The following KCNH8 variants were observed in gnomAD, a reference collection of about 807,000 sequenced individuals.
KCNH8 encodes the protein voltage-gated delayed rectifier potassium channel KCNH8.
Under a neutral mutation model 103.6 loss-of-function variants are expected in KCNH8, and 70 were observed. The ratio of observed to expected loss-of-function variants is 0.68; its 90% CI spans 0.56 to 0.82. The LOEUF (loss-of-function observed/expected upper bound fraction) is 0.82. KCNH8 is among the 40% of genes least tolerant of loss of function. The probability of loss-of-function intolerance (pLI) is 0.00; values close to 1 mark genes in which losing one functional copy is unlikely to be tolerated. For missense variants in KCNH8, 1,217 were observed against 1,329.9 expected, an observed-to-expected ratio of 0.92 and a Z score of 1.32; for synonymous variants, 498 against 489.4, an observed-to-expected ratio of 1.02 and a Z score of -0.23.
chr3:19,385,038 T>C (rs1296481560), intron 5 of KCNH8, among the ~76,000 whole-genome samples: 4 of 152,106 alleles, frequency 2.6e-5, no homozygotes, highest in Admixed American at 6.6e-5. Context: ...CAGTAAGAGA[T>C]GGTTGAAAGA....
intron 11 of KCNH8, among the ~76,000 whole-genome samples, chr3:19,463,179 T>C (rs1205322434): frequency 1.3e-5 from 2 of 152,150 alleles, no homozygotes; most frequent in East Asian, 3.8e-4. Flanking sequence ...TTAGAGCATC[T>C]GAGGATTTTC....
At position 19,389,392 on chromosome 3, in the gene KCNH8, C is replaced by A. The variant is rs567989403; in HGVS notation, c.812-1089C>A. On this transcript the variant is annotated intron_variant, in intron 5 of 15. Transcript: ENST00000328405. ...AGGACCTCATATATTGTAAAACGCT[C>A]GATAATATATAACTAAATAATGATG... is the stretch of plus-strand genomic sequence containing the variant. 3.3e-5 allele frequency among the ~76,000 whole-genome samples: 5 copies of A among 151,846 alleles called. No homozygotes were observed. In the South Asian group the frequency reaches 1.0e-3, roughly 32 times the overall value.
intron 2 of KCNH8, among the ~76,000 whole-genome samples, chr3:19,274,859 C>T (rs1326909886): frequency 1.2e-5 from 1 of 82,140 alleles, no homozygotes; most frequent in Non-Finnish European, 2.5e-5. Flanking sequence ...CCCTCCCCTC[C>T]CCACCCCTCC....
At chr3:19,312,612 T>C (rs1023372219) in intron 3 of KCNH8, among the ~76,000 whole-genome samples, 2 of 151,962 alleles carry the variant, frequency 1.3e-5, no homozygotes, top group African/African-American at 4.8e-5. Context: ...CAGCTTCTCG[T>C]CATGTAATAT....
intron 1 of KCNH8, among the ~76,000 whole-genome samples, chr3:19,155,890 T>G (rs1311292966): frequency 1.3e-5 from 2 of 152,206 alleles, no homozygotes; most frequent in Non-Finnish European, 2.9e-5. Context: ...CCTTGAAGCC[T>G]TAACTATGTC....
intron 1 of KCNH8, among the ~76,000 whole-genome samples, chr3:19,192,776 A>G (rs892298528): frequency 5.3e-5 from 8 of 149,900 alleles, no homozygotes; most frequent in African/African-American, 2.0e-4. Flanking sequence ...TAAACTTCCT[A>G]TGGAGTTGGC....
chr3:19,257,461 C>G (rs1005007936), intron 2 of KCNH8, among the ~76,000 whole-genome samples: 2 of 152,016 alleles, frequency 1.3e-5, no homozygotes, highest in Non-Finnish European at 2.9e-5. Flanking sequence ...CTTCCTCACT[C>G]TAGCTTGTTG....
chr3:19,277,830 T>C (rs1055560178), intron 2 of KCNH8, among the ~76,000 whole-genome samples: 1 of 152,172 alleles, frequency 6.6e-6, no homozygotes, highest in Non-Finnish European at 1.5e-5. Flanking sequence ...ACCTAAATCC[T>C]GTCAGAGCCT....
chr3:19,480,381 T>C (rs2068063603), intron 11 of KCNH8, among the ~76,000 whole-genome samples: 1 of 152,170 alleles, frequency 6.6e-6, no homozygotes, highest in Non-Finnish European at 1.5e-5. Flanking sequence ...CAAACATTGT[T>C]ACTATAGTAT....
chr3:19,286,235 A>G (rs906191029), intron 3 of KCNH8, among the ~76,000 whole-genome samples: 2 of 152,252 alleles, frequency 1.3e-5, no homozygotes, highest in South Asian at 2.1e-4. Flanking sequence ...CCAAATGTAT[A>G]TATTGAAGCC....
intron 3 of KCNH8, among the ~76,000 whole-genome samples, chr3:19,297,282 T>G (rs1444526903): frequency 6.6e-6 from 1 of 152,236 alleles, no homozygotes; most frequent in African/African-American, 2.4e-5. Context: ...TTCCCTCTCA[T>G]GGTTAGAGTG....
At chr3:19,480,469 A>G (rs2068065330) in intron 11 of KCNH8, among the ~76,000 whole-genome samples, 1 of 152,338 alleles carries the variant, frequency 6.6e-6, no homozygotes, top group Middle Eastern at 3.4e-3. Context: ...TCCCAACTAC[A>G]ATAATTAGTG....
chr3:19,434,210 G>A (rs1044889245), intron 7 of KCNH8, among the ~76,000 whole-genome samples: 1 of 152,130 alleles, frequency 6.6e-6, no homozygotes, highest in Non-Finnish European at 1.5e-5. Flanking sequence ...GATTAACCTT[G>A]AAGCACAGAG....
chr3:19,409,457 A>G (rs1016589651), intron 7 of KCNH8, among the ~76,000 whole-genome samples: 3 of 152,186 alleles, frequency 2.0e-5, no homozygotes, highest in Non-Finnish European at 4.4e-5. Context: ...CAAAAATACA[A>G]TAGAAATTAC....
chr3:19,362,900 C>A (rs376554187), intron 5 of KCNH8, among the ~76,000 whole-genome samples: 28 of 152,150 alleles, frequency 1.8e-4, no homozygotes, highest in Non-Finnish European at 1.0e-4. Flanking sequence ...GATCCTCCCC[C>A]CTTAGCCTCC....
At chr3:19,194,499 G>T (rs1453868510) in intron 1 of KCNH8, among the ~76,000 whole-genome samples, 1 of 151,806 alleles carries the variant, frequency 6.6e-6, no homozygotes, top group South Asian at 2.1e-4. Flanking sequence ...TGAAAGAAGT[G>T]CTTATTATGG....
chr3:19,429,699 T>C (rs2067090584), intron 7 of KCNH8, among the ~76,000 whole-genome samples: 1 of 152,200 alleles, frequency 6.6e-6, no homozygotes, highest in South Asian at 2.1e-4. Context: ...TACCCATTAG[T>C]TGATTTTTCT....
chr3:19,374,426 T>A (rs2066156906), intron 5 of KCNH8, among the ~76,000 whole-genome samples: 1 of 151,994 alleles, frequency 6.6e-6, no homozygotes, highest in South Asian at 2.1e-4. Context: ...AGACTAGGAT[T>A]GCAACCCCTG....
chr3:19,221,613 T>C (rs151270718), intron 1 of KCNH8, among the ~76,000 whole-genome samples: 6 of 152,304 alleles, frequency 3.9e-5, no homozygotes, highest in African/African-American at 9.6e-5. Context: ...ACATTAAGAC[T>C]TCCAAAACAC....
Sources: gnomAD v4.1 joint callset for allele counts (sites outside exome capture counted in the v4.1 genomes callset) on GRCh38, gnomAD v4.1.1 for gene constraint, MANE v1.5 for transcripts, NCBI Gene and HGNC (gene_info 2026-07-23, HGNC 2026-07-21) for gene names.